Variants in PRKAG2 observed in about 807,000 individuals in gnomAD.
The protein encoded by PRKAG2 is 5'-AMP-activated protein kinase subunit gamma-2.
Under a neutral mutation model 69.6 loss-of-function variants are expected in PRKAG2, and 26 were observed. The ratio of observed to expected loss-of-function variants is 0.37; its 90% CI spans 0.27 to 0.52. The LOEUF is 0.52. Among genes scored for constraint, PRKAG2 ranks in the 20% least tolerant of loss-of-function variants. The pLI, the probability that PRKAG2 is intolerant of heterozygous loss-of-function variation, is 0.90. For synonymous variants in PRKAG2, 293 were observed against 285.0 expected, an observed-to-expected ratio of 1.03 and a Z score of -0.28; for missense variants, 557 against 740.0, an observed-to-expected ratio of 0.75 and a Z score of 2.87.
At chr7:151,695,360 A>G (rs1290724059) in intron 3 of PRKAG2, among the ~76,000 whole-genome samples, 2 of 152,082 alleles carry the variant, frequency 1.3e-5, no homozygotes, top group South Asian at 4.1e-4. Flanking sequence ...ACACCCATCC[A>G]CTTCCTGCAG....
Position 151,632,099 on chromosome 7 carries a change from T to C in PRKAG2, c.724A>G (p.Met242Val). The part of the protein sequence containing the change: ...AAALGPAEAG[M>V]LEKLEFEDEA... ...TCCTCGAACTCCAGCTTCTCCAGCA[T>C]GCCGGCTTCCGCGGGTCCCAGGGCC... The change falls in exon 5 of 16, where the codon ATG (methionine) becomes GTG (valine). Residue 242 changes from methionine to valine, a missense_variant. Met to Val is a conservative substitution (Grantham distance 21, BLOSUM62 1). Around this residue, in one of 2 missense-constraint regions of PRKAG2, gnomAD observed 352 missense variants for 356.7 expected, o/e 0.99. Coordinates refer to ENST00000287878, the MANE Select transcript of PRKAG2 (RefSeq NM_016203.4). This position sits in a 1 kb window ranked among gnomAD's most constrained non-coding sequence, Gnocchi z 4.2. 7.1e-7 allele frequency: 1 copy of C among 1,416,116 alleles called. No individual in the cohort carries two copies. Among genetic ancestry groups the C allele is most frequent in the Non-Finnish European group, 9.3e-7 (1 of 1,071,098 alleles). 87.7% of individuals were successfully genotyped at this position (1,416,116 alleles called of 1,614,324 possible).
rs397517281 is a variant in PRKAG2 at position 151,632,084 on chromosome 7, C to G, written c.739G>C (p.Glu247Gln). ...PAEAGMLEKL[E>Q]FEDEAVEDSE... ...GCGCACTCACCTTCGTCCTCGAACT[C>G]CAGCTTCTCCAGCATGCCGGCTTCC... Residue 247 changes from glutamate to glutamine, a missense_variant, in exon 5 of 16, where the codon GAG becomes CAG. Glu to Gln is a conservative substitution (Grantham distance 29). Around this residue, in one of 2 missense-constraint regions of PRKAG2, gnomAD observed 352 missense variants for 356.7 expected, o/e 0.99. Transcript: ENST00000287878. The surrounding 1 kb of genome is among the most constrained non-coding windows in gnomAD (Gnocchi z 4.2). 3 of 1,414,404 alleles carry G rather than the reference C, an allele frequency of 2.1e-6. No individual in the cohort carries two copies. The highest frequency in any genetic ancestry group is 2.8e-6 in the Non-Finnish European group (3 of 1,070,160). The allele number at this position is 1,414,404 out of a possible 1,614,324, so 87.6% of individuals were successfully genotyped here. A position where few individuals can be genotyped will look rare whatever the true frequency, so the allele number is the denominator to read the frequency against.
At chr7:151,586,628 C>T (rs970747001) in intron 6 of PRKAG2, among the ~76,000 whole-genome samples, 2 of 152,200 alleles carry the variant, frequency 1.3e-5, no homozygotes, top group African/African-American at 4.8e-5. Flanking sequence ...TTCCTCGAAT[C>T]ACTATTACTT....
chr7:151,857,205 TGG>T (rs1249268253), intron 1 of PRKAG2, among the ~76,000 whole-genome samples: 5 of 148,662 alleles, frequency 3.4e-5, no homozygotes, highest in Non-Finnish European at 5.9e-5. Context: ...GAAGACGGTG[TGG>T]GAGATGAGAG....
At chr7:151,560,945 T>C (rs1477988383) in intron 14 of PRKAG2, among the ~76,000 whole-genome samples, 2 of 151,966 alleles carry the variant, frequency 1.3e-5, no homozygotes, top group Non-Finnish European at 2.9e-5. Flanking sequence ...CACACACACA[T>C]CCCATAAATG....
intron 8 of PRKAG2, among the ~76,000 whole-genome samples, chr7:151,574,559 G>A (rs530248271): frequency 3.3e-5 from 5 of 152,264 alleles, no homozygotes; most frequent in Non-Finnish European, 2.9e-5. Context: ...CAACAGGCCC[G>A]CAGAGATAAG....
At chr7:151,752,025 G>C (rs1291251464) in intron 3 of PRKAG2, among the ~76,000 whole-genome samples, 1 of 152,184 alleles carries the variant, frequency 6.6e-6, no homozygotes, top group South Asian at 2.1e-4. Context: ...CAGCATGATG[G>C]GGACAGGGTG....
chr7:151,842,996 C>T (rs1311421068), intron 1 of PRKAG2, among the ~76,000 whole-genome samples: 1 of 152,036 alleles, frequency 6.6e-6, no homozygotes, highest in Non-Finnish European at 1.5e-5. Context: ...GTTCAAGAAT[C>T]TGGGTGTATC....
intron 2 of PRKAG2, among the ~76,000 whole-genome samples, chr7:151,783,266 C>T (rs980796645): frequency 1.3e-5 from 2 of 152,240 alleles, no homozygotes; most frequent in Non-Finnish European, 2.9e-5. Flanking sequence ...TGAGTGGGCC[C>T]GGCAGGAAGA....
chr7:151,659,618 G>T (rs529734849), intron 4 of PRKAG2, among the ~76,000 whole-genome samples: 1 of 152,266 alleles, frequency 6.6e-6, no homozygotes, highest in Admixed American at 6.5e-5. Context: ...AATGCCTGGT[G>T]GGAAACAGAA....
intron 6 of PRKAG2, among the ~76,000 whole-genome samples, chr7:151,593,007 A>T (rs1441967222): frequency 2.0e-5 from 3 of 152,194 alleles, no homozygotes; most frequent in Admixed American, 2.0e-4. Context: ...CTTCCCGGAG[A>T]TGATGCTCAC....
intron 8 of PRKAG2, among the ~76,000 whole-genome samples, 176 bp from the exon 9 acceptor site, chr7:151,572,885 G>A (rs1002272713): frequency 7.9e-5 from 12 of 152,092 alleles, no homozygotes; most frequent in Non-Finnish European, 1.5e-4. Flanking sequence ...GATCAAGGTG[G>A]GCAGATCACC....
intron 5 of PRKAG2, among the ~76,000 whole-genome samples, chr7:151,597,821 C>CG (rs796399393): frequency 5.1e-5 from 1 of 19,766 alleles, no homozygotes; most frequent in Non-Finnish European, 2.2e-4. Context: ...CAAAAGGGAG[C>CG]CCCCCCCCCC....
intron 3 of PRKAG2, among the ~76,000 whole-genome samples, chr7:151,761,942 C>T (rs944726187): frequency 2.6e-5 from 4 of 152,164 alleles, no homozygotes; most frequent in Non-Finnish European, 5.9e-5. Context: ...AGGGGACGCA[C>T]GTTTTTCTTA....
chr7:151,577,923 C>G (rs1809370435), intron 6 of PRKAG2, among the ~76,000 whole-genome samples: 2 of 150,126 alleles, frequency 1.3e-5, no homozygotes, highest in African/African-American at 4.9e-5. Flanking sequence ...AAAGATTAAA[C>G]TGATACATTA....
rs146826211 is a variant in PRKAG2, at chr7:151,567,948, T to C, written c.1233+768A>G. ...GCTAATTTGAAGTACATTTTTAATA[T>C]CTGTTACAGTCTTGGAAAAACAACT... is the stretch of plus-strand genomic sequence containing the variant. On this transcript the variant is annotated intron_variant, in intron 11 of 15. Coordinates refer to ENST00000287878, the MANE Select transcript of PRKAG2 (RefSeq NM_016203.4). The surrounding 1 kb of genome is among the most constrained non-coding windows in gnomAD (Gnocchi z 4.2). Among the ~76,000 whole-genome samples, 272 of 152,318 alleles carry C rather than the reference T, an allele frequency of 1.8e-3. 1 individual carries two copies. Among genetic ancestry groups the C allele is most frequent in the African/African-American group, 6.4e-3 (266 of 41,566 alleles).
intron 3 of PRKAG2, among the ~76,000 whole-genome samples, chr7:151,701,581 C>T (rs897613522): frequency 2.6e-5 from 4 of 152,128 alleles, no homozygotes; most frequent in East Asian, 1.9e-4. Context: ...TGGTGGCTCA[C>T]ACCTGTAATC....
At chr7:151,855,784 G>C (rs1184329225) in intron 1 of PRKAG2, among the ~76,000 whole-genome samples, 1 of 152,266 alleles carries the variant, frequency 6.6e-6, no homozygotes, top group Non-Finnish European at 1.5e-5. Flanking sequence ...GGGATGGGTA[G>C]AGGCTCAGAG....
intron 3 of PRKAG2, among the ~76,000 whole-genome samples, chr7:151,744,023 G>A (rs1423828924): frequency 6.6e-6 from 1 of 152,196 alleles, no homozygotes; most frequent in African/African-American, 2.4e-5. Context: ...GAGAGATGAG[G>A]AAGGAGAGGT....
Sources: gnomAD v4.1 joint callset for allele counts (sites outside exome capture counted in the v4.1 genomes callset) on GRCh38, gnomAD v4.1.1 for gene constraint, gnomAD v4.1.1 regional missense constraint, Gnocchi (gnomAD v3.1) non-coding constraint, MANE v1.5 for transcripts, NCBI Gene and HGNC (gene_info 2026-07-23, HGNC 2026-07-21) for gene names.